The following FGD4 variants were observed in gnomAD, a reference collection of about 807,000 sequenced individuals.
FGD4 encodes FYVE, RhoGEF and PH domain-containing protein 4.
In FGD4, 42 loss-of-function variants were observed where a neutral mutation model predicts 102.0. That is an observed-to-expected ratio of 0.41 (90% CI 0.32 to 0.53). The LOEUF (loss-of-function observed/expected upper bound fraction) is 0.53. FGD4 is among the 20% of genes least tolerant of loss of function. The pLI, the probability that FGD4 is intolerant of heterozygous loss-of-function variation, is 0.21. For synonymous variants in FGD4, 380 were observed against 375.7 expected (o/e 1.01, Z -0.13); for missense variants, 902 against 1,078.2 (o/e 0.84, Z 2.29).
chr12:32,400,627 C>T (rs957488687), intron 1 of FGD4, among the ~76,000 whole-genome samples: 1 of 152,136 alleles, frequency 6.6e-6, no homozygotes, highest in African/African-American at 2.4e-5. Context: ...ACGTAATCTC[C>T]CCTGTCTTGT....
chr12:32,457,757 C>T (rs1444756293), intron 1 of FGD4, among the ~76,000 whole-genome samples: 1 of 152,020 alleles, frequency 6.6e-6, no homozygotes, highest in Admixed American at 6.6e-5. Context: ...GTTATTTGTG[C>T]CTGGAACAGT....
chr12:32,528,045 G>A (rs913227458), intron 1 of FGD4, among the ~76,000 whole-genome samples: 3 of 151,640 alleles, frequency 2.0e-5, no homozygotes, highest in Non-Finnish European at 4.4e-5. Context: ...GGTCACTGCA[G>A]CCTCTGCCTC....
chr12:32,595,696 G>T (rs1327544046), intron 4 of FGD4, among the ~76,000 whole-genome samples: 1 of 152,148 alleles, frequency 6.6e-6, no homozygotes, highest in Non-Finnish European at 1.5e-5. Flanking sequence ...ATTAAGAAAT[G>T]AGGGGTGGGA....
At chr12:32,500,220 C>A (rs1024509276) in intron 1 of FGD4, among the ~76,000 whole-genome samples, 2 of 151,502 alleles carry the variant, frequency 1.3e-5, no homozygotes, top group Non-Finnish European at 2.9e-5. Context: ...CAGCTCTATA[C>A]CTAAAAAATG....
intron 1 of FGD4, chr12:32,486,159 C>T (rs984677448): frequency 7.2e-6 from 11 of 1,522,966 alleles, no homozygotes; most frequent in Non-Finnish European, 9.6e-6. Flanking sequence ...TATTGTTTTG[C>T]AATTGCCATT....
In FGD4 at chr12:32,620,164, A is replaced by C. The variant is rs529293121; in HGVS notation, c.1922+294A>C. Among the ~76,000 whole-genome samples the C allele has an allele frequency of 2.6e-5, 4 of 152,306 alleles. No individual in the cohort carries two copies. The East Asian group carries it at 7.7e-4, about 29-fold the overall frequency. ...ATGAAATTATTGCCATCAAGTCTTG[A>C]CTTACAGTAAAAGGTTCTCTCCTAA... On this transcript the variant is annotated intron_variant, in intron 11 of 16. Coordinates refer to ENST00000534526, the MANE Select transcript of FGD4 (RefSeq NM_001370298.3).
chr12:32,540,412 G>A (rs1453219433), intron 1 of FGD4, among the ~76,000 whole-genome samples: 1 of 152,180 alleles, frequency 6.6e-6, no homozygotes, highest in East Asian at 1.9e-4. Context: ...ACCAACGTAT[G>A]CAAAAGCAGA....
intron 1 of FGD4, among the ~76,000 whole-genome samples, chr12:32,478,189 T>A (rs1237466470): frequency 6.6e-6 from 1 of 152,264 alleles, no homozygotes; most frequent in African/African-American, 2.4e-5. Flanking sequence ...CTTTTGTTTC[T>A]GGTTATACAT....
Position 32,422,430 on chromosome 12 carries a change from C to T in FGD4, c.166+22471C>T, listed in dbSNP as rs1362412050. On this transcript the variant is annotated intron_variant, in intron 1 of 16. Coordinates refer to ENST00000534526, the MANE Select transcript of FGD4 (RefSeq NM_001370298.3). Reference sequence around the variant, plus strand: ...TCTCCTGCCTCAGCCTCCCAAGTAGCTGGGACTACAGGCGCCCGCCACCAT... The same window carrying T: ...TCTCCTGCCTCAGCCTCCCAAGTAGTTGGGACTACAGGCGCCCGCCACCAT... Among the ~76,000 whole-genome samples the T allele has an allele frequency of 4.0e-5, 6 of 150,412 alleles. No homozygotes were observed. The South Asian group carries it at 1.1e-3, about 27-fold the overall frequency.
intron 10 of FGD4, among the ~76,000 whole-genome samples, chr12:32,618,424 T>C (rs566945551): frequency 2.1e-5 from 3 of 142,218 alleles, no homozygotes; most frequent in East Asian, 3.9e-4. Context: ...AATCAGACGA[T>C]GATATGGATG....
In FGD4 at chr12:32,582,301, A is replaced by T. The variant is rs1452570737; in HGVS notation, c.845A>T (p.Asp282Val). Residue 282 changes from aspartate to valine, a missense_variant, in exon 4 of 17, where the codon GAC becomes GTC. Physicochemically the swap from Asp to Val is radical, Grantham distance 152 (BLOSUM62 -3). This residue lies in a region of FGD4 where 443 missense variants were observed against 459.2 expected (regional missense o/e 0.96). Transcript: ENST00000534526. ...ACAGCTCCTGCATCACCCACAACAG[A>T]CAGCTGTGATGGAAATGCTTCTGAC... is the stretch of plus-strand genomic sequence containing the variant. ...TATAPASPTT[D>V]SCDGNASDSS... The T allele has an allele frequency of 5.6e-6, 9 of 1,614,106 alleles. No individual in the cohort carries two copies. Among genetic ancestry groups the T allele is most frequent in the Non-Finnish European group, 7.6e-6 (9 of 1,180,048 alleles).
intron 1 of FGD4, among the ~76,000 whole-genome samples, chr12:32,515,289 T>A (rs1321930025): frequency 6.6e-6 from 1 of 152,214 alleles, no homozygotes; most frequent in Non-Finnish European, 1.5e-5. Flanking sequence ...TGCTCAAATC[T>A]TGTGGTTCTT....
At chr12:32,472,888 G>A (rs1366182878) in intron 1 of FGD4, among the ~76,000 whole-genome samples, 2 of 152,118 alleles carry the variant, frequency 1.3e-5, no homozygotes, top group African/African-American at 2.4e-5. Context: ...TGGTGAGGAC[G>A]TGGAGAACCT....
At chr12:32,548,577 G>A (rs1943414685) in intron 1 of FGD4, among the ~76,000 whole-genome samples, 1 of 152,156 alleles carries the variant, frequency 6.6e-6, no homozygotes, top group Non-Finnish European at 1.5e-5. Context: ...GAGATTTCCT[G>A]TGGTTCCAAA....
intron 4 of FGD4, chr12:32,582,842 G>T: frequency 4.7e-6 from 1 of 213,176 alleles, no homozygotes; most frequent in Non-Finnish European, 9.5e-6. Flanking sequence ...TATAATCTTT[G>T]TTGTTCAGAA....
At chr12:32,537,353 T>C (rs754371648) in intron 1 of FGD4, among the ~76,000 whole-genome samples, 14 of 152,244 alleles carry the variant, frequency 9.2e-5, no homozygotes, top group Non-Finnish European at 1.8e-4. Context: ...TTACTTGCCC[T>C]GCTTTAGGTT....
intron 1 of FGD4, among the ~76,000 whole-genome samples, chr12:32,417,939 C>A (rs1303891347): frequency 3.4e-5 from 5 of 148,574 alleles, no homozygotes; most frequent in Non-Finnish European, 7.4e-5. Context: ...CAGGAATGGT[C>A]CCTGGTGTCT....
chr12:32,439,645 A>C (rs1942360315), intron 1 of FGD4, among the ~76,000 whole-genome samples: 1 of 152,070 alleles, frequency 6.6e-6, no homozygotes, highest in Non-Finnish European at 1.5e-5. Flanking sequence ...ACATGCCTTG[A>C]GGTAGTCTTC....
chr12:32,527,158 A>G (rs1941327965), intron 1 of FGD4, among the ~76,000 whole-genome samples: 2 of 152,236 alleles, frequency 1.3e-5, no homozygotes, highest in African/African-American at 4.8e-5. Context: ...TTGTGCAGAT[A>G]TGGAGAAATT....
Sources: allele counts gnomAD v4.1 joint callset (sites outside exome capture counted in the v4.1 genomes callset), GRCh38; gene constraint gnomAD v4.1.1; regional missense constraint gnomAD v4.1.1; transcripts MANE v1.5; gene names NCBI Gene and HGNC (gene_info 2026-07-23, HGNC 2026-07-21).